Variants in FGGY observed in about 807,000 individuals in gnomAD.
FGGY encodes FGGY carbohydrate kinase domain-containing protein.
A neutral mutation model predicts 71.3 loss-of-function variants in FGGY; 72 were observed. That is an observed-to-expected ratio of 1.01 (90% CI 0.84 to 1.23). The LOEUF is 1.23. FGGY is among the 50% of genes most tolerant of loss of function. The probability of loss-of-function intolerance (pLI) is 0.00; values close to 1 mark genes in which losing one functional copy is unlikely to be tolerated. For missense variants in FGGY, 668 were observed against 682.3 expected, an observed-to-expected ratio of 0.98 and a Z score of 0.23; for synonymous variants, 251 against 250.3, an observed-to-expected ratio of 1.00 and a Z score of -0.02.
At chr1:59,300,111 T>A (rs35786859) in intron 1 of FGGY, among the ~76,000 whole-genome samples, 10,334 of 152,284 alleles carry the variant, frequency 0.068, 469 homozygotes, top group Non-Finnish European at 0.097. Flanking sequence ...AGTGGGCTAT[T>A]TTGTAGCAGC....
At chr1:59,604,965 G>C (rs528208087) in intron 8 of FGGY, among the ~76,000 whole-genome samples, 1 of 152,362 alleles carries the variant, frequency 6.6e-6, no homozygotes, top group South Asian at 2.1e-4. Flanking sequence ...ACTGGGCAAA[G>C]AAAGGCAGAG....
intron 7 of FGGY, among the ~76,000 whole-genome samples, chr1:59,516,465 C>CAT (rs1201568533): frequency 6.6e-6 from 1 of 152,314 alleles, no homozygotes; most frequent in African/African-American, 2.4e-5. Flanking sequence ...ATCCCTGAGA[C>CAT]ATATTGTGAT....
At position 59,333,230 on chromosome 1, in the gene FGGY, T is replaced by C. The variant is rs567025707; in HGVS notation, c.202-6728T>C. On this transcript the variant is annotated intron_variant, in intron 2 of 15. Coordinates refer to ENST00000303721, the MANE Select transcript of FGGY (RefSeq NM_018291.5). Reference sequence around the variant, plus strand: ...CCTCTTTTGACTAACTGCAGACCTGTGTGAGATGGGCTTACCCAAGTCAGA... The same window carrying C: ...CCTCTTTTGACTAACTGCAGACCTGCGTGAGATGGGCTTACCCAAGTCAGA... Among the ~76,000 whole-genome samples, 3 of 152,338 alleles carry C rather than the reference T, an allele frequency of 2.0e-5. No individual in the cohort carries two copies. In the South Asian group the frequency reaches 6.2e-4, roughly 32 times the overall value.
intron 14 of FGGY, among the ~76,000 whole-genome samples, chr1:59,718,763 A>G (rs1004237458): frequency 1.3e-5 from 2 of 152,158 alleles, no homozygotes; most frequent in African/African-American, 4.8e-5. Context: ...GCTGTATACC[A>G]TGGGGTCAGA....
intron 5 of FGGY, among the ~76,000 whole-genome samples, chr1:59,397,391 A>T (rs2061451608): frequency 6.6e-6 from 1 of 152,238 alleles, no homozygotes; most frequent in Non-Finnish European, 1.5e-5. Flanking sequence ...AACAAACAAC[A>T]TAGTGAAACT....
At chr1:59,556,881 C>T (rs933753330) in intron 8 of FGGY, among the ~76,000 whole-genome samples, 10 of 151,988 alleles carry the variant, frequency 6.6e-5, no homozygotes, top group African/African-American at 1.9e-4. Context: ...CAGTTGGTTG[C>T]GATGAATGAG....
intron 7 of FGGY, among the ~76,000 whole-genome samples, chr1:59,531,188 C>T (rs745397326): frequency 7.2e-5 from 11 of 152,100 alleles, no homozygotes; most frequent in Non-Finnish European, 1.5e-4. Context: ...CTGCCCTTAC[C>T]AGTTATGTAA....
intron 14 of FGGY, among the ~76,000 whole-genome samples, chr1:59,719,695 TA>T (rs2097871468): frequency 6.6e-6 from 1 of 152,200 alleles, no homozygotes; most frequent in Admixed American, 6.5e-5. Flanking sequence ...ATTATGTTTA[TA>T]AAAAAGAGCG....
chr1:59,368,937 G>T (rs2057048168), intron 4 of FGGY, among the ~76,000 whole-genome samples: 1 of 152,224 alleles, frequency 6.6e-6, no homozygotes, highest in Non-Finnish European at 1.5e-5. Flanking sequence ...GAGGAGCCAA[G>T]ATGGCTGAAC....
intron 14 of FGGY, among the ~76,000 whole-genome samples, chr1:59,737,286 C>G (rs777158528): frequency 3.3e-5 from 5 of 152,234 alleles, no homozygotes; most frequent in Non-Finnish European, 7.3e-5. Context: ...AGCCCAGAGT[C>G]CCTACTGGGG....
chr1:59,740,298 C>T (rs983593187), intron 14 of FGGY, among the ~76,000 whole-genome samples: 3 of 152,204 alleles, frequency 2.0e-5, no homozygotes, highest in African/African-American at 7.2e-5. Flanking sequence ...CAAACTTTGC[C>T]AATTTCCATC....
intron 4 of FGGY, among the ~76,000 whole-genome samples, chr1:59,357,941 G>C (rs1259258309): frequency 6.6e-6 from 1 of 152,180 alleles, no homozygotes; most frequent in Non-Finnish European, 1.5e-5. Flanking sequence ...GTGAAGTTAG[G>C]CTTGCTTTAT....
chr1:59,338,427 T>C (rs1210329713), intron 2 of FGGY, among the ~76,000 whole-genome samples: 2 of 152,186 alleles, frequency 1.3e-5, no homozygotes. Flanking sequence ...CTTCCTTAAA[T>C]GTTTGATAAA....
chr1:59,358,791 A>C (rs543659897), intron 4 of FGGY, among the ~76,000 whole-genome samples: 3 of 152,248 alleles, frequency 2.0e-5, no homozygotes, highest in Non-Finnish European at 2.9e-5. Context: ...ATCTACATAC[A>C]TGGCCAACAC....
intron 2 of FGGY, among the ~76,000 whole-genome samples, chr1:59,327,319 A>T (rs985253132): frequency 6.6e-6 from 1 of 152,212 alleles, no homozygotes; most frequent in Non-Finnish European, 1.5e-5. Context: ...TCATTTCAAC[A>T]TTGTTCATAT....
intron 7 of FGGY, among the ~76,000 whole-genome samples, chr1:59,551,918 C>A (rs1173440127): frequency 3.3e-5 from 5 of 152,130 alleles, no homozygotes; most frequent in Admixed American, 2.6e-4. Context: ...AATCGTGTCA[C>A]TCAGGATTCA....
At chr1:59,690,397 A>G (rs1306374193) in intron 14 of FGGY, among the ~76,000 whole-genome samples, 2 of 152,224 alleles carry the variant, frequency 1.3e-5, no homozygotes, top group East Asian at 3.9e-4. Context: ...CCAAGCTTAC[A>G]TAGCTGGTAA....
chr1:59,515,643 A>G (rs911068994), intron 7 of FGGY, among the ~76,000 whole-genome samples: 1 of 152,186 alleles, frequency 6.6e-6, no homozygotes, highest in Non-Finnish European at 1.5e-5. Flanking sequence ...AGTCTTTCCC[A>G]TGCTGTTCTC....
chr1:59,373,275 C>T (rs1557709206), intron 4 of FGGY, among the ~76,000 whole-genome samples: 3 of 151,376 alleles, frequency 2.0e-5, no homozygotes, highest in African/African-American at 7.3e-5. Context: ...AACAGACAAA[C>T]AGCCAAATCA....
Sources: gnomAD v4.1 joint callset for allele counts (sites outside exome capture counted in the v4.1 genomes callset) on GRCh38, gnomAD v4.1.1 for gene constraint, MANE v1.5 for transcripts, NCBI Gene and HGNC (gene_info 2026-07-23, HGNC 2026-07-21) for gene names.